CRHR1: variants seen among roughly 807,000 people sequenced by gnomAD.
CRHR1 encodes corticotropin-releasing hormone receptor 1.
CRHR1 carries 28 observed loss-of-function variants against 56.0 expected under a neutral mutation model. The ratio of observed to expected loss-of-function variants is 0.50; its 90% CI spans 0.37 to 0.69. The LOEUF (loss-of-function observed/expected upper bound fraction) is 0.69. CRHR1 is among the 30% of genes least tolerant of loss of function. CRHR1 has a pLI of 0.00. For synonymous variants in CRHR1, 195 were observed against 216.5 expected (o/e 0.90, Z 0.87); for missense variants, 376 against 548.0 (o/e 0.69, Z 3.13).
In CRHR1 at chr17:45,830,209, A is replaced by G. The variant is rs769095476; in HGVS notation, c.550A>G (p.Asn184Asp). The G allele has an allele frequency of 8.7e-5, 140 of 1,613,950 alleles. No homozygotes were observed. The highest frequency in any genetic ancestry group is 1.2e-4 in the Non-Finnish European group (140 of 1,180,008). The stretch of plus-strand genomic sequence containing the variant: ...CATGAGCCCCGAGGTCCACCAGAGC[A>G]ACGTGGTACGTCCTGGCAGGGGAGC... ...LTMSPEVHQSNVGWCRLVTAA... is the reference protein window; with the variant it reads ...LTMSPEVHQSDVGWCRLVTAA... The change falls in exon 6 of 13, where the codon AAC (asparagine) becomes GAC (aspartate). Residue 184 changes from asparagine (N) to aspartate (D), a missense_variant. By Grantham distance (23) the Asn-to-Asp change is conservative. This residue lies in a region of CRHR1 where 369 missense variants were observed against 519.5 expected (regional missense o/e 0.71). Transcript: ENST00000314537.
In CRHR1 at chr17:45,834,064, C is replaced by T. The variant is rs770954287; in HGVS notation, c.1107+16C>T. The T allele has an allele frequency of 7.4e-6, 12 of 1,612,674 alleles. No individual in the cohort carries two copies. The highest frequency in any genetic ancestry group is 1.7e-5 in the Admixed American group (1 of 59,994). On this transcript the variant is annotated intron_variant, in intron 12 of 12. Coordinates refer to ENST00000314537, the MANE Select transcript of CRHR1 (RefSeq NM_004382.5). The stretch of plus-strand genomic sequence containing the variant: ...CAATAGTGAGGTGAGGACCCGGGGG[C>T]CCTGCAGCGGGGTTCAGGGCTGTGA...
At chr17:45,825,218 G>T (rs978185796) in intron 4 of CRHR1, among the ~76,000 whole-genome samples, 1 of 152,220 alleles carries the variant, frequency 6.6e-6, no homozygotes, top group African/African-American at 2.4e-5. Flanking sequence ...ACTTGCAAGG[G>T]CACCTCAAGG....
At chr17:45,790,780 G>T (rs767980829) in intron 1 of CRHR1, among the ~76,000 whole-genome samples, 6 of 152,220 alleles carry the variant, frequency 3.9e-5, no homozygotes, top group Non-Finnish European at 8.8e-5. Context: ...CAGAACCAGG[G>T]AGGCAGGGCT....
At chr17:45,833,238 A>G in intron 9 of CRHR1, 28 bp downstream of exon 9, 1 of 1,609,124 alleles carries the variant, frequency 6.2e-7, no homozygotes, top group Non-Finnish European at 8.5e-7. Flanking sequence ...GGCAGGAGAC[A>G]GGGCCCAGTG....
At chr17:45,821,246 G>A (rs2062034033) in intron 3 of CRHR1, 109 bp from the exon 4 acceptor site, 1 of 942,672 alleles carries the variant, frequency 1.1e-6, no homozygotes, top group Admixed American at 1.7e-5. Flanking sequence ...CAGCCAGCAG[G>A]TGCCTGTACT....
At chr17:45,792,357 C>G (rs965091356) in intron 1 of CRHR1, among the ~76,000 whole-genome samples, 4 of 152,102 alleles carry the variant, frequency 2.6e-5, no homozygotes, top group African/African-American at 9.7e-5. Context: ...TGGCCAGGTG[C>G]GCCATTTACT....
intron 1 of CRHR1, among the ~76,000 whole-genome samples, chr17:45,793,049 GA>G (rs1320283694): frequency 6.6e-6 from 1 of 152,238 alleles, no homozygotes; most frequent in African/African-American, 2.4e-5. Flanking sequence ...ACTCCCCAAT[GA>G]ACGTCTGTCT....
chr17:45,784,649 T>A lies in CRHR1; in HGVS notation c.33+72T>A. ...TGGCGGACGCGGGACGGGGCTGGGC[T>A]GTGGGTGTGATGGGGGCGGGGGCGC... On this transcript the variant is annotated intron_variant, in intron 1 of 12. Coordinates refer to ENST00000314537, the MANE Select transcript of CRHR1 (RefSeq NM_004382.5). The surrounding 1 kb of genome is among the most constrained non-coding windows in gnomAD (Gnocchi z 4.2). 1 of 1,448,770 alleles carries A rather than the reference T, an allele frequency of 6.9e-7. No individual in the cohort carries two copies. Among genetic ancestry groups the A allele is most frequent in the Non-Finnish European group, 9.2e-7 (1 of 1,088,780 alleles). 89.7% of individuals were successfully genotyped at this position (1,448,770 alleles called of 1,614,324 possible).
intron 3 of CRHR1, among the ~76,000 whole-genome samples, chr17:45,817,183 G>A (rs1029746226): frequency 2.0e-5 from 3 of 152,178 alleles, no homozygotes; most frequent in Non-Finnish European, 4.4e-5. Flanking sequence ...TGGCTCCCCG[G>A]AGGCCCGAAA....
intron 2 of CRHR1, among the ~76,000 whole-genome samples, chr17:45,814,695 C>A (rs1008598262): frequency 1.3e-5 from 2 of 152,156 alleles, no homozygotes; most frequent in Non-Finnish European, 2.9e-5. Flanking sequence ...AGGTTAAAAT[C>A]CCAGCCTGGT....
intron 3 of CRHR1, among the ~76,000 whole-genome samples, chr17:45,820,914 C>T (rs1049132891): frequency 1.2e-4 from 18 of 152,374 alleles, no homozygotes; most frequent in African/African-American, 4.1e-4. Context: ...ACCGCATACC[C>T]TTCCACCGTG....
chr17:45,831,034 T>C (rs1344397765), intron 8 of CRHR1, 94 bp downstream of exon 8: 1 of 1,201,676 alleles, frequency 8.3e-7, no homozygotes, highest in Non-Finnish European at 1.2e-6. Context: ...GCTGGCTTTT[T>C]CCCCTCAGGA....
At position 45,833,463 on chromosome 17, in the gene CRHR1, C is replaced by T. The variant is rs779617356; in HGVS notation, c.855C>T (p.Ile285=). 3 of 1,614,050 alleles carry T rather than the reference C, an allele frequency of 1.9e-6. No homozygotes were observed. The Admixed American group carries it at 5.0e-5, about 27-fold the overall frequency. Residue 285 remains isoleucine, a synonymous_variant, in exon 10 of 13, where the codon ATC becomes ATT. Coordinates refer to ENST00000314537, the MANE Select transcript of CRHR1 (RefSeq NM_004382.5). ...PMILVLLINF[I]FLFNIVRILM... ...TGCTCAAATTGCAGATCAATTTCAT[C>T]TTCCTTTTCAACATCGTCCGCATCC... is the stretch of plus-strand genomic sequence containing the variant.
intron 1 of CRHR1, among the ~76,000 whole-genome samples, chr17:45,801,942 A>G (rs80184151): frequency 0.14 from 21,620 of 151,966 alleles, 2,119 homozygotes; most frequent in Middle Eastern, 0.22. Flanking sequence ...TTTTCATCAC[A>G]CACACCAACT....
intron 1 of CRHR1, among the ~76,000 whole-genome samples, chr17:45,795,916 CT>C (rs1222578609): frequency 6.6e-6 from 1 of 152,224 alleles, no homozygotes; most frequent in Non-Finnish European, 1.5e-5. Flanking sequence ...TCCAGCAGCC[CT>C]CTTTAAACTG....
At chr17:45,802,474 G>A (rs1300005210) in intron 1 of CRHR1, among the ~76,000 whole-genome samples, 1 of 152,220 alleles carries the variant, frequency 6.6e-6, no homozygotes, top group African/African-American at 2.4e-5. Context: ...AGCGGATGGT[G>A]AAGAGGAGAT....
chr17:45,833,866 A>T lies in CRHR1; in HGVS notation c.1065+17A>T. 6.2e-7 allele frequency: 1 copy of T among 1,612,644 alleles called. No individual in the cohort carries two copies. ...TCCTTCCAGGTACAGCCCTGGAGGG[A>T]CACATCAGCACCTCCTTGGGTGGGG... is the stretch of plus-strand genomic sequence containing the variant. On this transcript the variant is annotated intron_variant, in intron 11 of 12. Transcript: ENST00000314537.
chr17:45,805,583 T>C (rs965086384), intron 1 of CRHR1, among the ~76,000 whole-genome samples: 1 of 151,778 alleles, frequency 6.6e-6, no homozygotes, highest in African/African-American at 2.4e-5. Flanking sequence ...GGCCATGGGG[T>C]TGGGGGCCTC....
chr17:45,796,525 A>G (rs2061521056), intron 1 of CRHR1, among the ~76,000 whole-genome samples: 1 of 151,898 alleles, frequency 6.6e-6, no homozygotes, highest in South Asian at 2.1e-4. Flanking sequence ...GAAGGCAGGC[A>G]GGGCAGGCAG....
Sources: allele counts gnomAD v4.1 joint callset (sites outside exome capture counted in the v4.1 genomes callset), GRCh38; gene constraint gnomAD v4.1.1; regional missense constraint gnomAD v4.1.1; non-coding constraint Gnocchi (gnomAD v3.1); transcripts MANE v1.5; gene names NCBI Gene and HGNC (gene_info 2026-07-23, HGNC 2026-07-21).